FBLN7: variants seen among roughly 807,000 people sequenced by gnomAD.
FBLN7 encodes the protein fibulin-7.
FBLN7 carries 31 observed loss-of-function variants against 44.0 expected under a neutral mutation model. The observed-to-expected ratio is 0.70, with a 90% confidence interval of 0.53 to 0.95. The LOEUF (loss-of-function observed/expected upper bound fraction) is 0.95. Ranked by LOEUF, FBLN7 falls within the 40% of genes least tolerant of loss-of-function variation. The pLI is 0.00. For synonymous variants in FBLN7, 262 were observed against 253.4 expected, an observed-to-expected ratio of 1.03 and a Z score of -0.32; for missense variants, 573 against 618.5, an observed-to-expected ratio of 0.93 and a Z score of 0.78.
At chr2:112,199,295 T>C in the FBLN7 span, among the ~76,000 whole-genome samples, 1 of 152,176 alleles carries the variant, frequency 6.6e-6, no homozygotes, top group East Asian at 1.9e-4. Flanking sequence ...TTTCCTGGTG[T>C]CCATTTCTCT....
chr2:112,210,511 C>T, the FBLN7 span, among the ~76,000 whole-genome samples: 3 of 151,786 alleles, frequency 2.0e-5, no homozygotes, highest in African/African-American at 7.3e-5. Context: ...CAAAAATTAG[C>T]CAGGCATAGT....
the FBLN7 span, among the ~76,000 whole-genome samples, chr2:112,206,442 A>C: frequency 1.3e-5 from 2 of 151,548 alleles, no homozygotes; most frequent in Non-Finnish European, 1.5e-5. Flanking sequence ...TCCTTCATTC[A>C]TTTTGCTTTG....
At chr2:112,174,495 C>A (rs1682638338) in intron 3 of FBLN7, among the ~76,000 whole-genome samples, 2 of 152,212 alleles carry the variant, frequency 1.3e-5, no homozygotes, top group Non-Finnish European at 2.9e-5. Context: ...AGCAAAGCAC[C>A]TGTTTTTCTT....
chr2:112,172,517 A>C (rs943564185), intron 3 of FBLN7, among the ~76,000 whole-genome samples: 1 of 151,914 alleles, frequency 6.6e-6, no homozygotes, highest in Non-Finnish European at 1.5e-5. Context: ...GAATGCCCCC[A>C]AAATATATTC....
At chr2:112,149,583 C>T (rs1416965060) in intron 1 of FBLN7, among the ~76,000 whole-genome samples, 1 of 152,106 alleles carries the variant, frequency 6.6e-6, no homozygotes, top group Admixed American at 6.5e-5. Context: ...GGCCACTCTC[C>T]CCTGACCCAT....
At chr2:112,238,651 G>A in the FBLN7 span, 1 of 692,458 alleles carries the variant, frequency 1.4e-6, no homozygotes, top group Admixed American at 3.1e-5. Context: ...AGGTACATGG[G>A]ATTCATATAC....
chr2:112,231,925 G>C, the FBLN7 span: 1 of 1,576,660 alleles, frequency 6.3e-7, no homozygotes, highest in South Asian at 1.2e-5. Context: ...TTCCTGTATG[G>C]TAAAACTTAC....
chr2:112,147,322 A>G (rs1193993549), intron 1 of FBLN7, among the ~76,000 whole-genome samples: 1 of 152,160 alleles, frequency 6.6e-6, no homozygotes, highest in African/African-American at 2.4e-5. Flanking sequence ...TGAGGCACCT[A>G]CTTCTAAATA....
the FBLN7 span, among the ~76,000 whole-genome samples, chr2:112,227,124 C>G: frequency 1.3e-5 from 2 of 152,176 alleles, no homozygotes; most frequent in African/African-American, 2.4e-5. Context: ...TGCCAAATAT[C>G]AGGACAAAGG....
chr2:112,191,368 G>T (rs142931055), downstream of FBLN7, among the ~76,000 whole-genome samples: 15,558 of 151,992 alleles, frequency 0.1, 1,069 homozygotes, highest in Non-Finnish European at 0.14. Context: ...TAGAGACAGG[G>T]TTTTGCCACG....
chr2:112,151,022 G>C (rs1681132869), intron 1 of FBLN7, among the ~76,000 whole-genome samples: 1 of 152,168 alleles, frequency 6.6e-6, no homozygotes, highest in African/African-American at 2.4e-5. Context: ...AGTCGAAGTG[G>C]AAAGACAACT....
At chr2:112,199,318 C>T in the FBLN7 span, among the ~76,000 whole-genome samples, 4 of 152,128 alleles carry the variant, frequency 2.6e-5, no homozygotes, top group South Asian at 2.1e-4. Context: ...TTTCTCTCAT[C>T]GTCACTTTTC....
downstream of FBLN7, among the ~76,000 whole-genome samples, chr2:112,192,967 C>T (rs1018480038): frequency 6.6e-6 from 1 of 152,080 alleles, no homozygotes; most frequent in Non-Finnish European, 1.5e-5. Context: ...AATGAAAAAA[C>T]GTGTAATGTC....
chr2:112,222,517 A>G, the FBLN7 span, among the ~76,000 whole-genome samples: 5 of 152,192 alleles, frequency 3.3e-5, no homozygotes, highest in African/African-American at 1.2e-4. Flanking sequence ...ATGCTAAATG[A>G]AATAAGCCTG....
the FBLN7 span, among the ~76,000 whole-genome samples, chr2:112,229,279 T>C: frequency 2.6e-5 from 4 of 152,198 alleles, no homozygotes; most frequent in African/African-American, 9.7e-5. Flanking sequence ...ATAAGAATGA[T>C]ATGAGGCCTC....
chr2:112,159,564 A>G, intron 1 of FBLN7, 112 bp from the exon 2 acceptor site: 1 of 1,283,546 alleles, frequency 7.8e-7, no homozygotes, highest in Non-Finnish European at 1.0e-6. Flanking sequence ...GCGTTGAGTG[A>G]GCTTCAAACG....
chr2:112,244,076 TCAC>T, the FBLN7 span, among the ~76,000 whole-genome samples: 3 of 144,100 alleles, frequency 2.1e-5, no homozygotes, highest in African/African-American at 5.3e-5. Context: ...ATAAATAATC[TCAC>T]CACAATAGCA....
At chr2:112,168,464 G>C (rs915096593) in intron 3 of FBLN7, among the ~76,000 whole-genome samples, 1 of 152,222 alleles carries the variant, frequency 6.6e-6, no homozygotes, top group African/African-American at 2.4e-5. Flanking sequence ...TGCTCCAGCA[G>C]CTGCTGGCCA....
At chr2:112,189,862 C>T (rs562375058), downstream of FBLN7, 1 of 152,272 alleles carries the variant, frequency 6.6e-6, no homozygotes, top group Admixed American at 6.5e-5. Context: ...ACCAAAATGC[C>T]ATTCACATCT....
Sources: allele counts gnomAD v4.1 joint callset (sites outside exome capture counted in the v4.1 genomes callset), GRCh38; gene constraint gnomAD v4.1.1; transcripts MANE v1.5; gene names NCBI Gene and HGNC (gene_info 2026-07-23, HGNC 2026-07-21).